The following MREG variants were observed in gnomAD, a reference collection of about 807,000 sequenced individuals.
MREG encodes dilute suppressor protein homolog.
A neutral mutation model predicts 28.5 loss-of-function variants in MREG; 31 were observed. The ratio of observed to expected loss-of-function variants is 1.09; its 90% CI spans 0.82 to 1.47. The LOEUF is 1.47. Ranked by LOEUF, MREG falls within the 40% of genes most tolerant of loss-of-function variation. The pLI is 0.00. For missense variants in MREG, 256 were observed against 257.4 expected, an observed-to-expected ratio of 0.99 and a Z score of 0.04; for synonymous variants, 106 against 95.2, an observed-to-expected ratio of 1.11 and a Z score of -0.66.
chr2:215,977,832 T>G (rs1254268971), intron 2 of MREG, among the ~76,000 whole-genome samples: 1 of 152,124 alleles, frequency 6.6e-6, no homozygotes, highest in Non-Finnish European at 1.5e-5. Context: ...TTGAAACCAA[T>G]GAGGACAAAG....
intron 2 of MREG, among the ~76,000 whole-genome samples, chr2:215,966,601 CTTT>C (rs1052642780): frequency 3.7e-5 from 5 of 136,642 alleles, no homozygotes; most frequent in Admixed American, 7.4e-5. Flanking sequence ...AACATTTTCC[CTTT>C]TTTTTTTTTT....
intron 2 of MREG, among the ~76,000 whole-genome samples, chr2:215,964,226 G>A (rs1692875099): frequency 1.3e-5 from 2 of 152,182 alleles, no homozygotes; most frequent in Admixed American, 1.3e-4. Context: ...GCCCACACCT[G>A]TAATCTCAGC....
At chr2:215,962,763 G>A (rs1559178417) in intron 2 of MREG, among the ~76,000 whole-genome samples, 2 of 150,428 alleles carry the variant, frequency 1.3e-5, no homozygotes, top group East Asian at 1.9e-4. Flanking sequence ...AGCCACACGT[G>A]GCTACTGAGC....
At chr2:215,986,465 T>C (rs938652504) in intron 2 of MREG, among the ~76,000 whole-genome samples, 18 of 152,190 alleles carry the variant, frequency 1.2e-4, no homozygotes, top group African/African-American at 4.3e-4. Flanking sequence ...ACTGATGTTA[T>C]TGCCTAGTTC....
chr2:215,963,268 G>C (rs1342143800), intron 2 of MREG, among the ~76,000 whole-genome samples: 3 of 151,804 alleles, frequency 2.0e-5, no homozygotes, highest in Non-Finnish European at 4.4e-5. Context: ...AGACCAGCCT[G>C]GGCAACATGG....
chr2:215,975,008 T>TTATATATATATATATACATATA (rs1693213339), intron 2 of MREG, among the ~76,000 whole-genome samples: 1 of 106,608 alleles, frequency 9.4e-6, no homozygotes, highest in Non-Finnish European at 1.9e-5. Context: ...TTTATATGAA[T>TTATATATATATATATACATATA]TATATATATA....
chr2:215,944,748 C>A lies in MREG; in HGVS notation c.*115G>T. On this transcript the variant is annotated 3_prime_UTR_variant, in exon 5 of 5. Coordinates refer to ENST00000263268, the MANE Select transcript of MREG (RefSeq NM_018000.3). The stretch of plus-strand genomic sequence containing the variant: ...TTTACATTTATGTAGAATTCAGTAT[C>A]ATTTTTCACTAAGCAAACTCTATTT... 1 of 1,103,142 alleles carries A rather than the reference C, an allele frequency of 9.1e-7. No individual in the cohort carries two copies. The highest frequency in any genetic ancestry group is 1.2e-6 in the Non-Finnish European group (1 of 800,162). The allele number at this position is 1,103,142 out of a possible 1,614,324, so 68.3% of individuals were successfully genotyped here.
intron 1 of MREG, among the ~76,000 whole-genome samples, chr2:216,007,685 C>G (rs1229404261): frequency 6.6e-6 from 1 of 151,576 alleles, no homozygotes; most frequent in Non-Finnish European, 1.5e-5. Context: ...CTGTCTTGGT[C>G]TTCCGAAGTG....
intron 2 of MREG, among the ~76,000 whole-genome samples, chr2:215,973,288 G>A (rs368587206): frequency 6.6e-6 from 1 of 152,142 alleles, no homozygotes; most frequent in Non-Finnish European, 1.5e-5. Flanking sequence ...AAGAGATAAC[G>A]GCTCAAGAGC....
chr2:216,003,184 A>G (rs1377809004), intron 1 of MREG, among the ~76,000 whole-genome samples: 1 of 151,848 alleles, frequency 6.6e-6, no homozygotes, highest in African/African-American at 2.4e-5. Flanking sequence ...TTTCCTCAGC[A>G]CTCGCCACCT....
chr2:215,997,075 C>A (rs1379027071), intron 1 of MREG, among the ~76,000 whole-genome samples: 2 of 152,110 alleles, frequency 1.3e-5, no homozygotes, highest in African/African-American at 4.8e-5. Context: ...GCCACCGCGC[C>A]CAGCCAGGAA....
At chr2:215,976,716 G>T (rs1200347699) in intron 2 of MREG, among the ~76,000 whole-genome samples, 1 of 152,110 alleles carries the variant, frequency 6.6e-6, no homozygotes, top group East Asian at 1.9e-4. Flanking sequence ...GAGAGTGGGG[G>T]CCAATATTCA....
chr2:215,981,325 G>A (rs1693423524), intron 2 of MREG, among the ~76,000 whole-genome samples: 1 of 152,190 alleles, frequency 6.6e-6, no homozygotes, highest in South Asian at 2.1e-4. Context: ...TATTCCGCTT[G>A]AAAAAGGAAG....
upstream of MREG, among the ~76,000 whole-genome samples, chr2:216,014,642 C>G (rs564104368): frequency 2.2e-5 from 3 of 137,472 alleles, no homozygotes; most frequent in South Asian, 6.8e-4. Flanking sequence ...GAGCAAGACT[C>G]CGTCTCAAAA....
At chr2:215,981,644 A>T (rs1040093177) in intron 2 of MREG, among the ~76,000 whole-genome samples, 2 of 152,086 alleles carry the variant, frequency 1.3e-5, no homozygotes, top group African/African-American at 4.8e-5. Context: ...TACAAGAGGA[A>T]ATTTTTGTTA....
intron 2 of MREG, among the ~76,000 whole-genome samples, chr2:215,995,052 A>G (rs761812965): frequency 6.6e-6 from 1 of 152,272 alleles, no homozygotes; most frequent in Non-Finnish European, 1.5e-5. Context: ...TGTTCTTTCC[A>G]CTAAAGAGAA....
chr2:215,972,786 A>AAACAAC (rs570707114), intron 2 of MREG, among the ~76,000 whole-genome samples: 2 of 152,164 alleles, frequency 1.3e-5, no homozygotes, highest in Non-Finnish European at 2.9e-5. Flanking sequence ...GTTTTTTAAA[A>AAACAAC]AACAACAACA....
upstream of MREG, among the ~76,000 whole-genome samples, chr2:216,018,073 G>C (rs867558947): frequency 2.0e-5 from 3 of 151,930 alleles, no homozygotes; most frequent in Non-Finnish European, 4.4e-5. Flanking sequence ...TGAGGCAGGA[G>C]AATCACTTGA....
intron 1 of MREG, among the ~76,000 whole-genome samples, chr2:216,020,027 A>G (rs899490290): frequency 6.6e-6 from 1 of 152,040 alleles, no homozygotes; most frequent in African/African-American, 2.4e-5. Flanking sequence ...CCAGGGAGGA[A>G]AAAAAAACAC....
Sources: allele counts gnomAD v4.1 joint callset (sites outside exome capture counted in the v4.1 genomes callset), GRCh38; gene constraint gnomAD v4.1.1; transcripts MANE v1.5; gene names NCBI Gene and HGNC (gene_info 2026-07-23, HGNC 2026-07-21).